The following SCML2 variants were observed in gnomAD, a reference collection of about 807,000 sequenced individuals.
SCML2 encodes Scm polycomb group protein like 2.
A neutral mutation model predicts 48.4 loss-of-function variants in SCML2; 6 were observed. That is an observed-to-expected ratio of 0.12 (90% CI 0.07 to 0.24). SCML2 has a LOEUF of 0.24. Ranked by LOEUF, SCML2 falls within the 10% of genes least tolerant of loss-of-function variation. The pLI is 1.00. For synonymous variants in SCML2, 181 were observed against 189.5 expected, an observed-to-expected ratio of 0.95 and a Z score of 0.37; for missense variants, 377 against 528.2, an observed-to-expected ratio of 0.71 and a Z score of 2.81.
intron 1 of SCML2, among the ~76,000 whole-genome samples, chrX:18,341,815 G>A (rs185089115): frequency 2.4e-3 from 263 of 111,817 alleles, no homozygotes; most frequent in African/African-American, 8.2e-3. Flanking sequence ...TATAACTTGA[G>A]AAAAAATAAA....
At chrX:18,261,026 G>A (rs756120601) in intron 8 of SCML2, among the ~76,000 whole-genome samples, 1 of 109,452 alleles carries the variant, frequency 9.1e-6, no homozygotes, top group South Asian at 3.8e-4. Context: ...GAACAAAGGA[G>A]TAAAAAATAG....
intron 5 of SCML2, among the ~76,000 whole-genome samples, chrX:18,320,713 G>C (rs1929287996): frequency 9.0e-6 from 1 of 110,873 alleles, no homozygotes; most frequent in Non-Finnish European, 1.9e-5. Context: ...ATCTAAGCTG[G>C]AGCCTAGGAG....
chrX:18,286,242 A>C (rs964408450), intron 7 of SCML2, among the ~76,000 whole-genome samples: 1 of 112,124 alleles, frequency 8.9e-6, no homozygotes, highest in South Asian at 3.7e-4. Context: ...TAACAATAGA[A>C]CCAGCCATTC....
Position 18,320,333 on chromosome X carries a change from T to G in SCML2, c.485A>C (p.Lys162Thr), listed in dbSNP as rs761522155. The G allele has an allele frequency of 5.4e-6, 6 of 1,114,970 alleles. No individual in the cohort carries two copies. The South Asian group carries it at 8.9e-5, about 17-fold the overall frequency. 91.9% of individuals were successfully genotyped at this position (1,114,970 alleles called of 1,213,427 possible). ...AGCTTTTTATAACATCTTTCTTACC[T>G]TCTTAAATAATGTGGCAGATGCCAT... ...SEMASATLFK[K>T]EPPKPPLNNF... Residue 162 changes from lysine to threonine, a missense_variant and splice_region_variant, in exon 6 of 15, where the codon AAG (lysine) becomes ACG (threonine). Lys to Thr is a moderately conservative substitution (Grantham distance 78). This residue lies in a region of SCML2 where 299 missense variants were observed against 425.5 expected (regional missense o/e 0.70). Coordinates refer to ENST00000251900, the MANE Select transcript of SCML2 (RefSeq NM_006089.3).
At chrX:18,251,309 CAAAAAA>C (rs750658948) in intron 11 of SCML2, among the ~76,000 whole-genome samples, 1 of 6,772 alleles carries the variant, frequency 1.5e-4, no homozygotes, top group East Asian at 2.4e-3. Flanking sequence ...GATTCCATTG[CAAAAAA>C]AAAAAAAAAA....
At chrX:18,290,563 A>C (rs1353112664) in intron 7 of SCML2, among the ~76,000 whole-genome samples, 1 of 111,563 alleles carries the variant, frequency 9.0e-6, no homozygotes, top group East Asian at 2.8e-4. Flanking sequence ...ATGATACATA[A>C]ATCTGAAGCT....
Position 18,330,621 on chromosome X carries a change from T to C in SCML2, c.57A>G (p.Lys19=). Residue 19 remains lysine, a synonymous_variant, in exon 3 of 15, where the codon AAA becomes AAG. Coordinates refer to ENST00000251900, the MANE Select transcript of SCML2 (RefSeq NM_006089.3). ...CAGAAGATGTACTTGACTGAGGAGT[T>C]TTCTCTTGATTCTCCTTCTTGACAT... The part of the protein sequence containing the change: ...SMDVKKENQE[K]TPQSSTSSVQ... The C allele has an allele frequency of 8.5e-7, 1 of 1,173,853 alleles. No individual in the cohort carries two copies. The highest frequency in any genetic ancestry group is 1.1e-6 in the Non-Finnish European group (1 of 871,519).
intron 7 of SCML2, among the ~76,000 whole-genome samples, chrX:18,269,342 G>A (rs750667090): frequency 7.1e-4 from 79 of 111,066 alleles, no homozygotes; most frequent in African/African-American, 2.5e-3. Context: ...GAGATCTGAT[G>A]GTTTTATAAG....
In SCML2 at chrX:18,270,028, A is replaced by ATTTT. The variant is rs375870057; in HGVS notation, c.731-4230_731-4227dup. Among the ~76,000 whole-genome samples, 76 of 90,159 alleles carry ATTTT rather than the reference A, an allele frequency of 8.4e-4. 1 individual carries two copies. The highest frequency in any genetic ancestry group is 3.0e-3 in the African/African-American group (72 of 23,922). 78.3% of individuals were successfully genotyped at this position (90,159 alleles called of 115,157 possible). A position where few individuals can be genotyped will look rare whatever the true frequency, so the allele number is the denominator to read the frequency against. On this transcript the variant is annotated intron_variant, in intron 7 of 14. Transcript: ENST00000251900. ...CAAAGTTAAAAACAAAGTACTATAAATTTTTTTTTTTTTTTTTGAGACAGA... is the reference window on the plus strand; with the variant it reads ...CAAAGTTAAAAACAAAGTACTATAAATTTTTTTTTTTTTTTTTTTTTGAGACAGA...
chrX:18,256,567 G>A (rs1363286627), intron 11 of SCML2, among the ~76,000 whole-genome samples: 3 of 111,928 alleles, frequency 2.7e-5, no homozygotes, highest in Non-Finnish European at 5.6e-5. Context: ...ATAAAAGTCA[G>A]TAACTTTAAA....
chrX:18,242,766 T>C (rs1387434372), intron 13 of SCML2, among the ~76,000 whole-genome samples, 176 bp from the exon 14 acceptor site: 2 of 111,747 alleles, frequency 1.8e-5, no homozygotes, highest in Non-Finnish European at 3.8e-5. Context: ...GATGGCTACA[T>C]AAGAGCATCC....
intron 13 of SCML2, among the ~76,000 whole-genome samples, chrX:18,245,950 GCTGGTCTCAAACTCCCGA>G (rs947748094): frequency 2.7e-5 from 3 of 112,001 alleles, no homozygotes; most frequent in Non-Finnish European, 5.6e-5. Flanking sequence ...CGTTGGTCAG[GCTGGTCTCAAACTCCCGA>G]CTTCGGGTGA....
Position 18,320,317 on chromosome X carries a change from T to C in SCML2, c.486+15A>G. On this transcript the variant is annotated intron_variant, in intron 6 of 14. Coordinates refer to ENST00000251900, the MANE Select transcript of SCML2 (RefSeq NM_006089.3). ...ACAATAAAAACATGGCAGCTTTTTA[T>C]AACATCTTTCTTACCTTCTTAAATA... 9.6e-7 allele frequency: 1 copy of C among 1,042,191 alleles called. No individual in the cohort carries two copies. The highest frequency in any genetic ancestry group is 1.3e-6 in the Non-Finnish European group (1 of 767,220). 85.9% of individuals were successfully genotyped at this position (1,042,191 alleles called of 1,213,427 possible).
At chrX:18,242,341 G>A in intron 14 of SCML2, 98 bp downstream of exon 14, 2 of 909,953 alleles carry the variant, frequency 2.2e-6, no homozygotes, top group Non-Finnish European at 2.9e-6. Flanking sequence ...TCAGTTGATA[G>A]GGTTCCCCCA....
At chrX:18,255,245 CT>C (rs920556071) in intron 11 of SCML2, among the ~76,000 whole-genome samples, 1 of 112,592 alleles carries the variant, frequency 8.9e-6, no homozygotes, top group African/African-American at 3.2e-5. Flanking sequence ...CATATACTTT[CT>C]TTCAATTTCA....
chrX:18,322,751 A>G (rs981896789), intron 5 of SCML2, among the ~76,000 whole-genome samples: 6 of 110,382 alleles, frequency 5.4e-5, no homozygotes, highest in Non-Finnish European at 1.1e-4. Context: ...AAAATTAGCC[A>G]GGCGTGGTGG....
chrX:18,240,542 T>C lies in SCML2; in HGVS notation c.*709A>G, dbSNP rs1569133860. The C allele has an allele frequency of 8.9e-6, 1 of 111,919 alleles. No individual in the cohort carries two copies. Among genetic ancestry groups the C allele is most frequent in the Non-Finnish European group, 1.9e-5 (1 of 53,172 alleles). The allele number at this position is 111,919 out of a possible 1,213,427, so 9.2% of individuals were successfully genotyped here. A position where few individuals can be genotyped will look rare whatever the true frequency, so the allele number is the denominator to read the frequency against. ...AAACAACCCTCGTAGTATAAATATCTCCTGCATAAAATGACAATTCTATCC... is the reference window on the plus strand; with the variant it reads ...AAACAACCCTCGTAGTATAAATATCCCCTGCATAAAATGACAATTCTATCC... On this transcript the variant is annotated 3_prime_UTR_variant, in exon 15 of 15. Coordinates refer to ENST00000251900, the MANE Select transcript of SCML2 (RefSeq NM_006089.3).
intron 6 of SCML2, among the ~76,000 whole-genome samples, chrX:18,307,283 C>A (rs374070618): frequency 9.2e-6 from 1 of 108,796 alleles, no homozygotes. Context: ...TGAGACTCTG[C>A]CTCAAAAAAA....
At chrX:18,328,540 T>C (rs1025076302) in intron 3 of SCML2, among the ~76,000 whole-genome samples, 2 of 111,140 alleles carry the variant, frequency 1.8e-5, no homozygotes, top group Non-Finnish European at 3.8e-5. Flanking sequence ...GGCATGGTAG[T>C]GCACGCCTGT....
Sources: allele counts gnomAD v4.1 joint callset (sites outside exome capture counted in the v4.1 genomes callset), GRCh38; gene constraint gnomAD v4.1.1; regional missense constraint gnomAD v4.1.1; transcripts MANE v1.5; gene names NCBI Gene and HGNC (gene_info 2026-07-23, HGNC 2026-07-21).